The following MACROD2 variants were observed in gnomAD, a reference collection of about 807,000 sequenced individuals.
MACROD2 encodes the protein mono-ADP ribosylhydrolase 2.
In MACROD2, 36 loss-of-function variants were observed where a neutral mutation model predicts 70.4. That is an observed-to-expected ratio of 0.51 (90% CI 0.39 to 0.68). MACROD2 has a LOEUF of 0.68. Among genes scored for constraint, MACROD2 ranks in the 30% least tolerant of loss-of-function variants. MACROD2 has a pLI of 0.00. For synonymous variants in MACROD2, 172 were observed against 178.8 expected (o/e 0.96, Z 0.30); for missense variants, 496 against 538.4 (o/e 0.92, Z 0.78).
chr20:14,517,629 A>T (rs1037975447), intron 4 of MACROD2, among the ~76,000 whole-genome samples: 16 of 152,176 alleles, frequency 1.1e-4, no homozygotes, highest in Non-Finnish European at 1.2e-4. Flanking sequence ...TGGCATGTGT[A>T]TACCTGTGTA....
intron 5 of MACROD2, among the ~76,000 whole-genome samples, chr20:15,069,632 G>A (rs1167005167): frequency 6.6e-6 from 1 of 152,214 alleles, no homozygotes. Flanking sequence ...AGCTATAAGG[G>A]CCCCAGGTAC....
At chr20:15,955,879 C>T (rs1213863357) in intron 12 of MACROD2, among the ~76,000 whole-genome samples, 3 of 152,104 alleles carry the variant, frequency 2.0e-5, no homozygotes, top group African/African-American at 7.2e-5. Flanking sequence ...ATAGGCTGAT[C>T]TGTGCAGCAA....
chr20:15,644,242 A>G (rs1284579083), intron 8 of MACROD2, among the ~76,000 whole-genome samples: 1 of 152,116 alleles, frequency 6.6e-6, no homozygotes, highest in African/African-American at 2.4e-5. Flanking sequence ...AAACCCTAAC[A>G]TCGTTACATC....
chr20:14,289,148 G>T (rs1317125689), intron 3 of MACROD2, among the ~76,000 whole-genome samples: 1 of 152,142 alleles, frequency 6.6e-6, no homozygotes, highest in Non-Finnish European at 1.5e-5. Flanking sequence ...GTAGAACTGG[G>T]GGACTCTATT....
intron 5 of MACROD2, among the ~76,000 whole-genome samples, chr20:15,129,835 T>A (rs919300591): frequency 2.0e-5 from 3 of 152,052 alleles, no homozygotes; most frequent in African/African-American, 7.2e-5. Context: ...TGCCTCCTGG[T>A]TGCTTTTGTT....
intron 5 of MACROD2, among the ~76,000 whole-genome samples, chr20:15,043,287 A>G (rs2075368854): frequency 6.6e-6 from 1 of 152,210 alleles, no homozygotes; most frequent in Non-Finnish European, 1.5e-5. Flanking sequence ...GAAAAATGGG[A>G]AATACTGTAA....
At chr20:14,524,492 A>G (rs1347340135) in intron 4 of MACROD2, among the ~76,000 whole-genome samples, 2 of 151,758 alleles carry the variant, frequency 1.3e-5, no homozygotes, top group Non-Finnish European at 2.9e-5. Flanking sequence ...TTATCCTAAT[A>G]AATTGGAATC....
At position 14,462,921 on chromosome 20, in the gene MACROD2, T is replaced by C. The variant is rs1292650869; in HGVS notation, c.272-30558T>C. 2.6e-5 allele frequency among the ~76,000 whole-genome samples: 4 copies of C among 152,234 alleles called. No homozygotes were observed. The East Asian group carries it at 5.8e-4, about 22-fold the overall frequency. On this transcript the variant is annotated intron_variant, in intron 3 of 17. Transcript: ENST00000684519. ...CTCTGTTTTGGTACCAGTACCATGCTGTTTTGGTTACTGTAGCCTTGTAGT... is the reference window on the plus strand; with the variant it reads ...CTCTGTTTTGGTACCAGTACCATGCCGTTTTGGTTACTGTAGCCTTGTAGT...
At chr20:14,205,339 T>C (rs2148750642) in intron 3 of MACROD2, among the ~76,000 whole-genome samples, 1 of 152,306 alleles carries the variant, frequency 6.6e-6, no homozygotes, top group Non-Finnish European at 1.5e-5. Context: ...CAAGTGGACA[T>C]TGAAGAATGA....
intron 4 of MACROD2, among the ~76,000 whole-genome samples, chr20:14,570,827 A>T (rs1980142881): frequency 6.6e-6 from 1 of 152,046 alleles, no homozygotes; most frequent in Non-Finnish European, 1.5e-5. Context: ...CACAACTTAG[A>T]CAAGAATTAG....
At chr20:14,790,423 T>C (rs143558491) in intron 5 of MACROD2, among the ~76,000 whole-genome samples, 1 of 152,184 alleles carries the variant, frequency 6.6e-6, no homozygotes, top group East Asian at 1.9e-4. Flanking sequence ...ATTTCAGAGG[T>C]ACTTCCATAA....
chr20:15,979,400 A>G (rs1384819085), intron 13 of MACROD2, among the ~76,000 whole-genome samples: 3 of 152,164 alleles, frequency 2.0e-5, no homozygotes, highest in African/African-American at 7.2e-5. Flanking sequence ...AAGTCACATG[A>G]ACAGGCCTGT....
rs572468417 is a variant in MACROD2, at chr20:14,416,798, G to A, written c.272-76681G>A. Among the ~76,000 whole-genome samples, 43 of 152,282 alleles carry A rather than the reference G, an allele frequency of 2.8e-4. No individual in the cohort carries two copies. In the South Asian group the frequency reaches 8.3e-3, roughly 29 times the overall value. ...GCTATCCTGGAGTGGCATCTTGAAA[G>A]TACTCAGTTGGAGTGAGCTTGCATT... On this transcript the variant is annotated intron_variant, in intron 3 of 17. Coordinates refer to ENST00000684519, the MANE Select transcript of MACROD2 (RefSeq NM_001351661.2).
chr20:14,849,807 C>T (rs438632), intron 5 of MACROD2: 185,509 of 312,698 alleles, frequency 0.59, 56,888 homozygotes, highest in Non-Finnish European at 0.66. Context: ...TAAGTAGTAA[C>T]TCTCACATCT....
rs571544070 is a variant in MACROD2 at position 14,176,764 on chromosome 20, G to A, written c.271+91036G>A. On this transcript the variant is annotated intron_variant, in intron 3 of 17. Transcript: ENST00000684519. Reference sequence around the variant, plus strand: ...TCTTGGTTTTGAGGAGCTAAAATCAGTTCTTATCCATCAACTATCCCCTTT... The same window carrying A: ...TCTTGGTTTTGAGGAGCTAAAATCAATTCTTATCCATCAACTATCCCCTTT... Among the ~76,000 whole-genome samples, 423 of 152,276 alleles carry A rather than the reference G, an allele frequency of 2.8e-3. 2 individuals carry two copies. The highest frequency in any genetic ancestry group is 9.6e-3 in the African/African-American group (398 of 41,560).
intron 12 of MACROD2, among the ~76,000 whole-genome samples, chr20:15,952,005 A>G (rs1327069012): frequency 6.6e-6 from 1 of 152,178 alleles, no homozygotes; most frequent in Admixed American, 6.5e-5. Flanking sequence ...TAAATGAATC[A>G]TGGGGGCAGG....
intron 2 of MACROD2, among the ~76,000 whole-genome samples, chr20:14,072,864 G>A (rs977412496): frequency 6.6e-6 from 1 of 151,458 alleles, no homozygotes; most frequent in Non-Finnish European, 1.5e-5. Context: ...CACCCAGGAG[G>A]CAGAGCTTGC....
chr20:15,827,413 C>CAG (rs1357750253), intron 8 of MACROD2, among the ~76,000 whole-genome samples: 4 of 152,246 alleles, frequency 2.6e-5, no homozygotes, highest in African/African-American at 4.8e-5. Flanking sequence ...CTGTACAAGT[C>CAG]TACTCTTCAT....
chr20:15,620,933 A>G (rs2049115680), intron 8 of MACROD2, among the ~76,000 whole-genome samples: 1 of 152,102 alleles, frequency 6.6e-6, no homozygotes, highest in Non-Finnish European at 1.5e-5. Flanking sequence ...GATTCTGGGA[A>G]CATATGGTTG....
Sources: gnomAD v4.1 joint callset for allele counts (sites outside exome capture counted in the v4.1 genomes callset) on GRCh38, gnomAD v4.1.1 for gene constraint, MANE v1.5 for transcripts, NCBI Gene and HGNC (gene_info 2026-07-23, HGNC 2026-07-21) for gene names.